HIVEP2: variants seen among roughly 807,000 people sequenced by gnomAD.
HIVEP2 encodes transcription factor HIVEP2.
HIVEP2 carries 14 observed loss-of-function variants against 180.7 expected under a neutral mutation model. That is an observed-to-expected ratio of 0.08 (90% CI 0.05 to 0.12). The LOEUF is 0.12. Ranked by LOEUF, HIVEP2 falls within the 10% of genes least tolerant of loss-of-function variation. The pLI, the probability that HIVEP2 is intolerant of heterozygous loss-of-function variation, is 1.00. For synonymous variants in HIVEP2, 1,184 were observed against 1,136.4 expected (o/e 1.04, Z -0.84); for missense variants, 2,579 against 3,008.5 (o/e 0.86, Z 3.34).
intron 3 of HIVEP2, among the ~76,000 whole-genome samples, chr6:142,782,122 G>T (rs1775875430): frequency 6.6e-6 from 1 of 152,216 alleles, no homozygotes; most frequent in South Asian, 2.1e-4. Context: ...AAATGTAAAT[G>T]GTCACTTGGT....
intron 1 of HIVEP2, among the ~76,000 whole-genome samples, chr6:142,861,812 G>A (rs1210102475): frequency 6.6e-6 from 1 of 152,056 alleles, no homozygotes; most frequent in African/African-American, 2.4e-5. Context: ...ATTTCAAAGC[G>A]GGCTCCTAAG....
intron 1 of HIVEP2, among the ~76,000 whole-genome samples, chr6:142,939,182 A>G (rs1382188589): frequency 6.6e-6 from 1 of 152,188 alleles, no homozygotes; most frequent in Non-Finnish European, 1.5e-5. Flanking sequence ...TTAACAAAAT[A>G]TTTTAATCAC....
chr6:142,782,267 T>C (rs1775878105), intron 3 of HIVEP2, among the ~76,000 whole-genome samples: 2 of 152,214 alleles, frequency 1.3e-5, no homozygotes, highest in Admixed American at 1.3e-4. Flanking sequence ...AGGGACATCA[T>C]TGTATTTGTT....
intron 2 of HIVEP2, among the ~76,000 whole-genome samples, chr6:142,822,866 T>A (rs1777077178): frequency 6.6e-6 from 1 of 152,166 alleles, no homozygotes; most frequent in Non-Finnish European, 1.5e-5. Flanking sequence ...GGAAATGAGT[T>A]ACCCAAACAC....
chr6:142,777,205 A>G (rs1775724394), intron 3 of HIVEP2, among the ~76,000 whole-genome samples: 1 of 152,234 alleles, frequency 6.6e-6, no homozygotes, highest in Admixed American at 6.5e-5. Context: ...ACAAGCGCAC[A>G]CCAATATATA....
At chr6:142,903,646 C>T (rs149226573) in intron 1 of HIVEP2, among the ~76,000 whole-genome samples, 1 of 152,182 alleles carries the variant, frequency 6.6e-6, no homozygotes, top group African/African-American at 2.4e-5. Flanking sequence ...AAAAAAATGA[C>T]TCCGGTGGTT....
intron 2 of HIVEP2, among the ~76,000 whole-genome samples, chr6:142,835,289 C>T (rs1324744931): frequency 6.6e-6 from 1 of 152,160 alleles, no homozygotes; most frequent in African/African-American, 2.4e-5. Context: ...CAGTGCAATA[C>T]ACAAGGAGGC....
intron 9 of HIVEP2, among the ~76,000 whole-genome samples, chr6:142,754,410 A>G (rs1775010756): frequency 6.6e-6 from 1 of 152,184 alleles, no homozygotes; most frequent in African/African-American, 2.4e-5. Context: ...TGATGAGTAT[A>G]TAATTGGAAT....
intron 1 of HIVEP2, among the ~76,000 whole-genome samples, chr6:142,906,849 T>C (rs1777275216): frequency 6.6e-6 from 1 of 152,212 alleles, no homozygotes; most frequent in Admixed American, 6.5e-5. Flanking sequence ...AAAAATCAAG[T>C]TGATACATTA....
chr6:142,910,025 A>G (rs1777364734), intron 1 of HIVEP2, among the ~76,000 whole-genome samples: 1 of 152,164 alleles, frequency 6.6e-6, no homozygotes, highest in African/African-American at 2.4e-5. Context: ...GCCATCCTTT[A>G]CCAGTGACAA....
chr6:142,781,514 C>CTA (rs1775859857), intron 3 of HIVEP2, among the ~76,000 whole-genome samples: 1 of 152,142 alleles, frequency 6.6e-6, no homozygotes, highest in Non-Finnish European at 1.5e-5. Flanking sequence ...GTGGATGCTG[C>CTA]TACAGCCCAC....
chr6:142,770,013 A>G lies in HIVEP2; in HGVS notation c.4726T>C (p.Ser1576Pro), dbSNP rs2114644719. 1.2e-6 allele frequency: 2 copies of G among 1,614,124 alleles called. No homozygotes were observed. Among genetic ancestry groups the G allele is most frequent in the Non-Finnish European group, 1.7e-6 (2 of 1,180,034 alleles). The part of the protein sequence containing the change: ...SDELDIDETA[S>P]DMSMSPQSSS... ...CTCTGTGGGCTCATGCTCATGTCCG[A>G]TGCCGTCTCATCGATATCTAATTCA... is the stretch of plus-strand genomic sequence containing the variant. Residue 1576 changes from serine to proline, a missense_variant, in exon 5 of 10, where the codon TCG (serine) becomes CCG (proline). Physicochemically the swap from Ser to Pro is moderately conservative, Grantham distance 74. Transcript: ENST00000367603. The surrounding 1 kb of genome is among the most constrained non-coding windows in gnomAD (Gnocchi z 4.7).
chr6:142,848,262 G>A (rs993912156), intron 1 of HIVEP2, among the ~76,000 whole-genome samples: 14 of 152,208 alleles, frequency 9.2e-5, no homozygotes, highest in Non-Finnish European at 1.9e-4. Context: ...CTTATCTATG[G>A]ATGTGGGATG....
At position 142,903,691 on chromosome 6, in the gene HIVEP2, T is replaced by C. The variant is rs79536889; in HGVS notation, c.-641+41408A>G. Among the ~76,000 whole-genome samples the C allele has an allele frequency of 9.6e-3, 1,467 of 152,242 alleles. 29 individuals are homozygous for C. Among genetic ancestry groups the C allele is most frequent in the African/African-American group, 0.034 (1,403 of 41,546 alleles). ...TCACACACTAATTCTGATATCAAGG[T>C]TAACAAAACAAAACAAAAAGGTGAA... On this transcript the variant is annotated intron_variant, in intron 1 of 9. Transcript: ENST00000367603.
At position 142,810,813 on chromosome 6, in the gene HIVEP2, A is replaced by G. The variant is rs146952711; in HGVS notation, c.-528+26122T>C. ...GAAAGAAAGAAACAGAAAATGCAAT[A>G]TATGGCACAGGAGGTAAGGCTATAG... On this transcript the variant is annotated intron_variant, in intron 2 of 9. Coordinates refer to ENST00000367603, the MANE Select transcript of HIVEP2 (RefSeq NM_006734.4). Among the ~76,000 whole-genome samples, 103 of 152,012 alleles carry G rather than the reference A, an allele frequency of 6.8e-4. No homozygotes were observed. In the South Asian group the frequency reaches 8.3e-3, roughly 12 times the overall value.
chr6:142,783,191 G>A (rs925717539), intron 3 of HIVEP2, among the ~76,000 whole-genome samples: 15 of 151,916 alleles, frequency 9.9e-5, no homozygotes, highest in African/African-American at 2.9e-4. Flanking sequence ...AGCCGGGCAT[G>A]GTGGCAGGTG....
chr6:142,756,162 C>A (rs762021676), intron 9 of HIVEP2, among the ~76,000 whole-genome samples: 6 of 152,124 alleles, frequency 3.9e-5, no homozygotes, highest in Middle Eastern at 3.2e-3. Flanking sequence ...CACATCTATA[C>A]GCCATGTACC....
intron 7 of HIVEP2, 65 bp downstream of exon 7, chr6:142,764,734 T>C (rs1327566962): frequency 8.7e-6 from 10 of 1,147,042 alleles, no homozygotes; most frequent in Non-Finnish European, 1.3e-5. Flanking sequence ...AGTTATAAAA[T>C]AGCACTCAGA....
rs865985757 is a variant in HIVEP2, at chr6:142,767,466, C to T, written c.5342+916G>A. Among the ~76,000 whole-genome samples the T allele has an allele frequency of 4.6e-5, 7 of 152,308 alleles. No homozygotes were observed. In the South Asian group the frequency reaches 1.4e-3, roughly 32 times the overall value. ...ATATTTCATCTCACTGAACATTCCACATTTTATAGTCAAACAAGTAACATT... is the reference window on the plus strand; with the variant it reads ...ATATTTCATCTCACTGAACATTCCATATTTTATAGTCAAACAAGTAACATT... On this transcript the variant is annotated intron_variant, in intron 6 of 9. Coordinates refer to ENST00000367603, the MANE Select transcript of HIVEP2 (RefSeq NM_006734.4).
Sources: gnomAD v4.1 joint callset for allele counts (sites outside exome capture counted in the v4.1 genomes callset) on GRCh38, gnomAD v4.1.1 for gene constraint, Gnocchi (gnomAD v3.1) non-coding constraint, MANE v1.5 for transcripts, NCBI Gene and HGNC (gene_info 2026-07-23, HGNC 2026-07-21) for gene names.